Variants in MCF2L2 observed in about 807,000 individuals in gnomAD.
MCF2L2 encodes the protein MCF.2 cell line derived transforming sequence-like 2, also known as probable guanine nucleotide exchange factor MCF2L2.
A neutral mutation model predicts 150.2 loss-of-function variants in MCF2L2; 102 were observed. That is an observed-to-expected ratio of 0.68 (90% CI 0.58 to 0.80). The LOEUF is 0.80. Among genes scored for constraint, MCF2L2 ranks in the 30% least tolerant of loss-of-function variants. MCF2L2 has a pLI of 0.00. For synonymous variants in MCF2L2, 465 were observed against 491.3 expected, an observed-to-expected ratio of 0.95 and a Z score of 0.71; for missense variants, 1,256 against 1,372.8, an observed-to-expected ratio of 0.91 and a Z score of 1.34.
chr3:183,410,267 C>A (rs531553928), intron 1 of MCF2L2, among the ~76,000 whole-genome samples: 1 of 152,204 alleles, frequency 6.6e-6, no homozygotes, highest in African/African-American at 2.4e-5. Flanking sequence ...CAAACTCTCA[C>A]AGCACTATCT....
intron 1 of MCF2L2, among the ~76,000 whole-genome samples, chr3:183,408,936 T>G (rs1351814701): frequency 1.3e-5 from 2 of 152,264 alleles, no homozygotes; most frequent in African/African-American, 2.4e-5. Flanking sequence ...ATAGTGGTGC[T>G]GCCACCTTGC....
rs58118640 is a variant in MCF2L2, at chr3:183,283,815, A to G, written c.1776+5305T>C. Among the ~76,000 whole-genome samples the G allele has an allele frequency of 6.6e-6, 1 of 152,006 alleles. No homozygotes were observed. The highest frequency in any genetic ancestry group is 1.5e-5 in the Non-Finnish European group (1 of 67,960). On this transcript the variant is annotated intron_variant, in intron 14 of 29. Transcript: ENST00000328913. The surrounding 1 kb of genome is among the most constrained non-coding windows in gnomAD (Gnocchi z 4.2). The stretch of plus-strand genomic sequence containing the variant: ...GGGATTACAGGTGTGAGCCACCACG[A>G]CCAGCCTTATTTATTCTTTAGAGTT...
Position 183,267,331 on chromosome 3 carries a change from T to G in MCF2L2, c.1862+9541A>C, listed in dbSNP as rs1266545079. Reference sequence around the variant, plus strand: ...CTCTGGACAAAGTCTGAATGGGGCTTGGCTCTAATCTCTAGTCCTCATTGG... The same window carrying G: ...CTCTGGACAAAGTCTGAATGGGGCTGGGCTCTAATCTCTAGTCCTCATTGG... On this transcript the variant is annotated intron_variant, in intron 15 of 29. Coordinates refer to ENST00000328913, the MANE Select transcript of MCF2L2 (RefSeq NM_015078.4). This position sits in a 1 kb window ranked among gnomAD's most constrained non-coding sequence, Gnocchi z 5.5. Among the ~76,000 whole-genome samples the G allele has an allele frequency of 6.6e-6, 1 of 152,260 alleles. No homozygotes were observed. The highest frequency in any genetic ancestry group is 2.4e-5 in the African/African-American group (1 of 41,466).
intron 1 of MCF2L2, among the ~76,000 whole-genome samples, chr3:183,405,871 A>G (rs9880082): frequency 0.04 from 6,039 of 152,186 alleles, 407 homozygotes; most frequent in African/African-American, 0.14. Context: ...GCAAGCCACC[A>G]TGCCCAGCTA....
intron 25 of MCF2L2, among the ~76,000 whole-genome samples, chr3:183,201,761 T>C (rs891315222): frequency 5.9e-5 from 9 of 152,192 alleles, no homozygotes; most frequent in Non-Finnish European, 1.0e-4. Flanking sequence ...GGCTGTGGGT[T>C]TGTCATAAAT....
intron 15 of MCF2L2, among the ~76,000 whole-genome samples, chr3:183,248,223 A>G (rs1724346712): frequency 6.6e-6 from 1 of 152,210 alleles, no homozygotes; most frequent in African/African-American, 2.4e-5. Context: ...AGAGCCAATT[A>G]GGTATTAATA....
chr3:183,221,811 G>C (rs1434035566), intron 20 of MCF2L2, among the ~76,000 whole-genome samples: 1 of 152,138 alleles, frequency 6.6e-6, no homozygotes, highest in Admixed American at 6.5e-5. Context: ...TAAGATAACA[G>C]CTACACATCA....
Position 183,193,082 on chromosome 3 carries a change from G to T in MCF2L2, c.2933C>A (p.Ala978Glu), listed in dbSNP as rs746819406. The T allele has an allele frequency of 1.2e-6, 2 of 1,613,856 alleles. No homozygotes were observed. The highest frequency in any genetic ancestry group is 1.7e-6 in the Non-Finnish European group (2 of 1,179,806). ...ATTTTTAATCCATGGTCCGGATCCTGCTCCACTGCCTTTGCTTTAGAGAAA... is the reference window on the plus strand; with the variant it reads ...ATTTTTAATCCATGGTCCGGATCCTTCTCCACTGCCTTTGCTTTAGAGAAA... ...FEMSTSKGSGAGSGPWIKNME... is the reference protein window; with the variant it reads ...FEMSTSKGSGEGSGPWIKNME... The change falls in exon 27 of 30, where the codon GCA (alanine) becomes GAA (glutamate). Residue 978 changes from alanine to glutamate, a missense_variant. Ala to Glu is a moderately radical substitution (Grantham distance 107). Coordinates refer to ENST00000328913, the MANE Select transcript of MCF2L2 (RefSeq NM_015078.4).
At chr3:183,205,259 C>G (rs1722431066) in intron 25 of MCF2L2, among the ~76,000 whole-genome samples, 1 of 152,094 alleles carries the variant, frequency 6.6e-6, no homozygotes, top group African/African-American at 2.4e-5. Flanking sequence ...CGCCTGTAGT[C>G]CCAGCTATTC....
chr3:183,187,967 G>A (rs568461909), intron 27 of MCF2L2, among the ~76,000 whole-genome samples: 1 of 152,320 alleles, frequency 6.6e-6, no homozygotes, highest in East Asian at 1.9e-4. Context: ...TTACCATAGT[G>A]GAAGGAGAAA....
rs773494846 is a variant in MCF2L2 at position 183,311,017 on chromosome 3, T to C, written c.891A>G (p.Gln297=). The C allele has an allele frequency of 2.5e-6, 4 of 1,606,734 alleles. No individual in the cohort carries two copies. The highest frequency in any genetic ancestry group is 4.5e-5 in the East Asian group (2 of 44,832). The change falls in exon 9 of 30, where the codon CAA becomes CAG. Residue 297 remains glutamine, a synonymous_variant. Transcript: ENST00000328913. ...TAAAGGCTTTTTCTGTTTCATCCAG[T>C]TGAACTAATAACCTTTCAAGAAAGA... ...NVTTMERLLV[Q]LDETEKAFSH... is the part of the protein sequence containing the mutation.
At chr3:183,389,020 G>A (rs1054578547) in intron 2 of MCF2L2, among the ~76,000 whole-genome samples, 16 of 152,076 alleles carry the variant, frequency 1.1e-4, no homozygotes, top group Admixed American at 4.6e-4. Flanking sequence ...ATATACTAAG[G>A]ATATCTAATG....
chr3:183,241,917 C>G (rs1187389173), intron 15 of MCF2L2, among the ~76,000 whole-genome samples: 1 of 152,110 alleles, frequency 6.6e-6, no homozygotes, highest in Non-Finnish European at 1.5e-5. Context: ...GAGGTGGTCT[C>G]AGATAGAGAT....
At chr3:183,223,270 A>G (rs1295245386) in intron 20 of MCF2L2, 76 bp downstream of exon 20, 3 of 1,076,798 alleles carry the variant, frequency 2.8e-6, no homozygotes, top group South Asian at 2.5e-5. Flanking sequence ...ACAGCTCTAC[A>G]TGTGTAACGA....
intron 1 of MCF2L2, among the ~76,000 whole-genome samples, chr3:183,392,830 G>A (rs990835664): frequency 1.3e-5 from 2 of 152,130 alleles, no homozygotes; most frequent in African/African-American, 2.4e-5. Context: ...ATCACCCTGC[G>A]GCTGGCAGGC....
intron 26 of MCF2L2, among the ~76,000 whole-genome samples, chr3:183,193,393 C>A (rs1216303418): frequency 6.9e-6 from 1 of 145,078 alleles, no homozygotes; most frequent in Non-Finnish European, 1.5e-5. Context: ...CTCTGTTGCC[C>A]AGGCTGGAGT....
At chr3:183,366,813 T>A (rs1484763455) in intron 3 of MCF2L2, among the ~76,000 whole-genome samples, 1 of 152,166 alleles carries the variant, frequency 6.6e-6, no homozygotes, top group Non-Finnish European at 1.5e-5. Flanking sequence ...TCCTGAATTA[T>A]AAGAGCAGAC....
chr3:183,215,398 G>A (rs1722877301), intron 22 of MCF2L2, among the ~76,000 whole-genome samples: 2 of 152,110 alleles, frequency 1.3e-5, no homozygotes, highest in South Asian at 2.1e-4. Context: ...GTTTTGCCTG[G>A]AATGCCTGGG....
intron 1 of MCF2L2, among the ~76,000 whole-genome samples, chr3:183,411,565 T>G (rs1715317154): frequency 6.6e-6 from 1 of 152,100 alleles, no homozygotes; most frequent in African/African-American, 2.4e-5. Context: ...ATTTTTAAAT[T>G]AGCTATATTA....
Sources: allele counts gnomAD v4.1 joint callset (sites outside exome capture counted in the v4.1 genomes callset), GRCh38; gene constraint gnomAD v4.1.1; non-coding constraint Gnocchi (gnomAD v3.1); transcripts MANE v1.5; gene names NCBI Gene and HGNC (gene_info 2026-07-23, HGNC 2026-07-21).